RAPGEF4: variants seen among roughly 807,000 people sequenced by gnomAD.
RAPGEF4 encodes the protein Rap guanine nucleotide exchange factor 4, also known as RAP guanine-nucleotide-exchange factor (GEF) 4.
RAPGEF4 carries 66 observed loss-of-function variants against 147.9 expected under a neutral mutation model. The ratio of observed to expected loss-of-function variants is 0.45; its 90% CI spans 0.37 to 0.55. RAPGEF4 has a LOEUF of 0.55. Ranked by LOEUF, RAPGEF4 falls within the 20% of genes least tolerant of loss-of-function variation. The pLI is 0.00. For missense variants in RAPGEF4, 1,071 were observed against 1,257.3 expected, an observed-to-expected ratio of 0.85 and a Z score of 2.24; for synonymous variants, 419 against 442.7, an observed-to-expected ratio of 0.95 and a Z score of 0.67.
At chr2:172,947,838 A>T (rs1419677700) in intron 6 of RAPGEF4, among the ~76,000 whole-genome samples, 1 of 151,846 alleles carries the variant, frequency 6.6e-6, no homozygotes, top group Non-Finnish European at 1.5e-5. Flanking sequence ...ATATACATGT[A>T]AAAAAAAGTG....
At chr2:172,924,194 G>A (rs1685041518) in intron 6 of RAPGEF4, among the ~76,000 whole-genome samples, 1 of 152,194 alleles carries the variant, frequency 6.6e-6, no homozygotes, top group Non-Finnish European at 1.5e-5. Context: ...GAATGTCCAA[G>A]CCCTGGGAGG....
chr2:172,801,241 T>A (rs1287335948), intron 3 of RAPGEF4, among the ~76,000 whole-genome samples: 1 of 151,756 alleles, frequency 6.6e-6, no homozygotes, highest in African/African-American at 2.4e-5. Flanking sequence ...TGAACAGAGG[T>A]GTGAGGAGGA....
At chr2:172,938,144 C>A (rs1248936666) in intron 6 of RAPGEF4, among the ~76,000 whole-genome samples, 2 of 151,904 alleles carry the variant, frequency 1.3e-5, no homozygotes, top group Non-Finnish European at 2.9e-5. Context: ...ATATCTTAAG[C>A]CCTGTCATCT....
At chr2:172,766,684 C>T (rs928933895) in intron 1 of RAPGEF4, among the ~76,000 whole-genome samples, 32 of 152,182 alleles carry the variant, frequency 2.1e-4, no homozygotes, top group Non-Finnish European at 5.9e-5. Flanking sequence ...CCCCTCCCGT[C>T]GCCTTTCTTC....
chr2:172,940,971 T>C (rs933876330), intron 6 of RAPGEF4, among the ~76,000 whole-genome samples: 7 of 152,230 alleles, frequency 4.6e-5, no homozygotes, highest in Non-Finnish European at 1.0e-4. Context: ...TACTTTATTT[T>C]GGAAGGATGA....
chr2:172,772,808 A>G (rs1295691074), intron 1 of RAPGEF4, among the ~76,000 whole-genome samples: 1 of 152,090 alleles, frequency 6.6e-6, no homozygotes, highest in Non-Finnish European at 1.5e-5. Context: ...AGTCTGGGGG[A>G]AGACAGAAGT....
At chr2:172,783,049 C>T (rs1684826319) in intron 1 of RAPGEF4, among the ~76,000 whole-genome samples, 1 of 152,144 alleles carries the variant, frequency 6.6e-6, no homozygotes, top group Non-Finnish European at 1.5e-5. Flanking sequence ...AATTGCAACA[C>T]TGTAGATCTG....
intron 4 of RAPGEF4, among the ~76,000 whole-genome samples, chr2:172,845,578 C>A (rs1692090177): frequency 6.6e-6 from 1 of 152,036 alleles, no homozygotes; most frequent in Non-Finnish European, 1.5e-5. Flanking sequence ...GCAGCTGGCC[C>A]CTCTGTGGTA....
intron 6 of RAPGEF4, among the ~76,000 whole-genome samples, chr2:172,948,380 T>C (rs961185312): frequency 2.0e-5 from 3 of 152,202 alleles, no homozygotes; most frequent in Non-Finnish European, 2.9e-5. Context: ...TGTATGTGCA[T>C]ACCATAACTT....
intron 3 of RAPGEF4, among the ~76,000 whole-genome samples, chr2:172,802,228 G>T (rs968704118): frequency 1.3e-5 from 2 of 152,138 alleles, no homozygotes; most frequent in African/African-American, 2.4e-5. Context: ...ACATTTATTA[G>T]GTATGTATAT....
chr2:172,789,917 T>A (rs1204212540), intron 1 of RAPGEF4, among the ~76,000 whole-genome samples: 1 of 152,236 alleles, frequency 6.6e-6, no homozygotes, highest in Non-Finnish European at 1.5e-5. Flanking sequence ...AATGCTGAAA[T>A]GAACATGGAA....
At chr2:172,747,501 C>G (rs1694886258) in intron 1 of RAPGEF4, among the ~76,000 whole-genome samples, 1 of 152,178 alleles carries the variant, frequency 6.6e-6, no homozygotes, top group African/African-American at 2.4e-5. Context: ...GGATCTCACT[C>G]TGTCACCCAG....
At chr2:172,967,567 A>G (rs1460739294) in intron 10 of RAPGEF4, 123 bp downstream of exon 10, 1 of 998,976 alleles carries the variant, frequency 1.0e-6, no homozygotes, top group Non-Finnish European at 1.4e-6. Context: ...AACAAAAGGG[A>G]GCAGCTGAAG....
intron 3 of RAPGEF4, among the ~76,000 whole-genome samples, chr2:172,803,213 C>A (rs1192539856): frequency 2.0e-5 from 3 of 152,234 alleles, no homozygotes; most frequent in African/African-American, 7.2e-5. Flanking sequence ...CATTTCCCTT[C>A]CGCACTGCCC....
intron 28 of RAPGEF4, 80 bp from the exon 29 acceptor site, chr2:173,036,548 T>C: frequency 9.1e-7 from 1 of 1,094,252 alleles, no homozygotes; most frequent in East Asian, 2.4e-5. Flanking sequence ...TCTGCCAGCA[T>C]AATCTAATGG....
chr2:172,898,958 T>TC, intron 4 of RAPGEF4, among the ~76,000 whole-genome samples: 1 of 152,288 alleles, frequency 6.6e-6, no homozygotes, highest in Non-Finnish European at 1.5e-5. Flanking sequence ...ATCTTTGTTT[T>TC]CCCCCAACTT....
chr2:172,895,162 T>A (rs980809162), intron 4 of RAPGEF4, among the ~76,000 whole-genome samples: 1 of 152,216 alleles, frequency 6.6e-6, no homozygotes, highest in African/African-American at 2.4e-5. Flanking sequence ...TCTTTGTTTT[T>A]AATCTTTTAG....
At chr2:172,891,664 G>A (rs1315623085) in intron 4 of RAPGEF4, among the ~76,000 whole-genome samples, 5 of 152,190 alleles carry the variant, frequency 3.3e-5, no homozygotes, top group African/African-American at 1.2e-4. Flanking sequence ...AAGGATGGGC[G>A]GGTGCCTGAC....
chr2:172,968,522 C>T (rs1170243256), intron 10 of RAPGEF4, among the ~76,000 whole-genome samples: 3 of 152,110 alleles, frequency 2.0e-5, no homozygotes, highest in Non-Finnish European at 2.9e-5. Flanking sequence ...GGGTTGTCCC[C>T]TTTGTCAAAA....
Sources: gnomAD v4.1 joint callset for allele counts (sites outside exome capture counted in the v4.1 genomes callset) on GRCh38, gnomAD v4.1.1 for gene constraint, MANE v1.5 for transcripts, NCBI Gene and HGNC (gene_info 2026-07-23, HGNC 2026-07-21) for gene names.